The following ACTA2 variants were observed in gnomAD, a reference collection of about 807,000 sequenced individuals.
ACTA2 encodes the protein actin alpha 2, smooth muscle, also known as actin, aortic smooth muscle.
A neutral mutation model predicts 39.5 loss-of-function variants in ACTA2; 12 were observed. The observed-to-expected ratio is 0.30, with a 90% CI of 0.19 to 0.49. ACTA2 has a LOEUF of 0.49. Ranked by LOEUF, ACTA2 falls within the 20% of genes least tolerant of loss-of-function variation. The pLI is 0.99. For missense variants in ACTA2, 236 were observed against 498.8 expected (o/e 0.47, Z 5.02); for synonymous variants, 158 against 180.6 (o/e 0.88, Z 1.00).
intron 8 of ACTA2, 27 bp from the exon 9 acceptor site, chr10:88,935,393 T>C (rs765771552): frequency 5.0e-6 from 8 of 1,612,734 alleles, no homozygotes; most frequent in Middle Eastern, 3.3e-4. Flanking sequence ...AAAAGAATGG[T>C]CATTAATGTC....
chr10:88,986,532 T>C (rs1285464755), intron 1 of ACTA2, among the ~76,000 whole-genome samples: 1 of 152,222 alleles, frequency 6.6e-6, no homozygotes. Flanking sequence ...GGAGACTTAA[T>C]AATTTGCTGC....
intron 1 of ACTA2, among the ~76,000 whole-genome samples, chr10:88,960,726 A>T (rs1312441405): frequency 6.6e-6 from 1 of 152,150 alleles, no homozygotes; most frequent in African/African-American, 2.4e-5. Context: ...TATTGACAAC[A>T]ATGACAAACA....
intron 1 of ACTA2, among the ~76,000 whole-genome samples, chr10:88,987,181 TA>T (rs1280302300): frequency 6.6e-6 from 1 of 152,224 alleles, no homozygotes; most frequent in Non-Finnish European, 1.5e-5. Flanking sequence ...GTAGAAGAAG[TA>T]ATATCCCTAG....
intron 1 of ACTA2, among the ~76,000 whole-genome samples, chr10:88,963,262 G>C (rs187100894): frequency 1.3e-5 from 2 of 151,916 alleles, no homozygotes; most frequent in Admixed American, 1.3e-4. Flanking sequence ...CATAGGTTTG[G>C]AGCAAATGCC....
chr10:88,962,971 AT>A (rs1846259472), intron 1 of ACTA2, among the ~76,000 whole-genome samples: 6 of 48,858 alleles, frequency 1.2e-4, no homozygotes, highest in Non-Finnish European at 1.9e-4. Flanking sequence ...ATATATATAT[AT>A]ATATAATATT....
At chr10:88,956,340 A>G (rs763828942), upstream of ACTA2, among the ~76,000 whole-genome samples, 31 of 152,188 alleles carry the variant, frequency 2.0e-4, no homozygotes, top group Non-Finnish European at 3.5e-4. Context: ...TCTAGAGTCC[A>G]CTTGACTCAT....
intron 1 of ACTA2, among the ~76,000 whole-genome samples, chr10:88,987,659 G>A (rs1846944428): frequency 6.6e-6 from 1 of 152,224 alleles, no homozygotes. Context: ...CCAACTGAAT[G>A]TGATGTGCTG....
chr10:88,939,138 A>G (rs1228436081), intron 7 of ACTA2, among the ~76,000 whole-genome samples: 1 of 152,200 alleles, frequency 6.6e-6, no homozygotes, highest in East Asian at 1.9e-4. Flanking sequence ...ATGTGAATGT[A>G]GGAACAGACT....
rs1228781141 is a variant in ACTA2, at chr10:88,966,583, T to G, written c.-23-17630A>C. On this transcript the variant is annotated intron_variant, in intron 1 of 4. Coordinates refer to the ACTA2 transcript ENST00000415557. Reference sequence around the variant, plus strand: ...TGAGGTAATAAGCAGAAGAGGTTGATAGTTTCACAAAAGGAAAGCATGACT... The same window carrying G: ...TGAGGTAATAAGCAGAAGAGGTTGAGAGTTTCACAAAAGGAAAGCATGACT... 2.0e-5 allele frequency among the ~76,000 whole-genome samples: 3 copies of G among 152,330 alleles called. No homozygotes were observed. The East Asian group carries it at 5.8e-4, about 29-fold the overall frequency.
intron 3 of ACTA2, among the ~76,000 whole-genome samples, chr10:88,945,924 A>G (rs1308905565): frequency 6.6e-6 from 1 of 152,172 alleles, no homozygotes; most frequent in African/African-American, 2.4e-5. Context: ...GATGAAAATG[A>G]AAGGAGGGTT....
chr10:88,986,697 A>C (rs1327110373), intron 1 of ACTA2, among the ~76,000 whole-genome samples: 1 of 151,848 alleles, frequency 6.6e-6, no homozygotes, highest in Non-Finnish European at 1.5e-5. Context: ...GAAGTAGTGC[A>C]GGAAGGAAGT....
At chr10:88,968,615 C>T (rs1846365847) in intron 1 of ACTA2, among the ~76,000 whole-genome samples, 1 of 152,142 alleles carries the variant, frequency 6.6e-6, no homozygotes, top group Admixed American at 6.6e-5. Context: ...TAGGCAATCC[C>T]TCCTCCAAAA....
chr10:88,948,629 G>T, intron 2 of ACTA2, 173 bp downstream of exon 2: 1 of 818,810 alleles, frequency 1.2e-6, no homozygotes, highest in Non-Finnish European at 2.0e-6. Context: ...CAGATAATCT[G>T]TCTACATTAT....
chr10:88,961,341 G>A lies in ACTA2; in HGVS notation c.-23-12388C>T, dbSNP rs1846223346. Among the ~76,000 whole-genome samples, 3 of 152,174 alleles carry A rather than the reference G, an allele frequency of 2.0e-5. No individual in the cohort carries two copies. In the South Asian group the frequency reaches 6.2e-4, roughly 31 times the overall value. On this transcript the variant is annotated intron_variant, in intron 1 of 4. Coordinates refer to the ACTA2 transcript ENST00000415557. ...GCAAGATGACCTCAGGGCTATTATAGAAAAGGTTTGTGTACTATGTAGAAA... is the reference window on the plus strand; with the variant it reads ...GCAAGATGACCTCAGGGCTATTATAAAAAAGGTTTGTGTACTATGTAGAAA...
intron 7 of ACTA2, 148 bp from the exon 8 acceptor site, chr10:88,938,390 A>G (rs1845786300): frequency 5.7e-6 from 5 of 880,356 alleles, no homozygotes; most frequent in Non-Finnish European, 9.3e-6. Flanking sequence ...CTGAGAGACA[A>G]AAGGGTCTTG....
At chr10:88,972,675 T>C (rs1846475117) in intron 1 of ACTA2, among the ~76,000 whole-genome samples, 1 of 152,188 alleles carries the variant, frequency 6.6e-6, no homozygotes, top group South Asian at 2.1e-4. Context: ...ATCTACTTCA[T>C]GGAAATTACT....
At chr10:88,954,677 T>A (rs780257053), upstream of ACTA2, among the ~76,000 whole-genome samples, 1 of 152,174 alleles carries the variant, frequency 6.6e-6, no homozygotes, top group South Asian at 2.1e-4. Flanking sequence ...AAAGCTCTGA[T>A]AATAATCAGA....
intron 1 of ACTA2, among the ~76,000 whole-genome samples, chr10:88,960,358 C>T (rs2093416241): frequency 6.6e-6 from 1 of 152,154 alleles, no homozygotes; most frequent in South Asian, 2.1e-4. Flanking sequence ...GGCGGATTTG[C>T]TAGACTTCTG....
At chr10:88,969,308 A>C (rs1231715834) in intron 1 of ACTA2, among the ~76,000 whole-genome samples, 1 of 152,252 alleles carries the variant, frequency 6.6e-6, no homozygotes, top group Admixed American at 6.5e-5. Context: ...CCATCAAAAA[A>C]AAATCTTTGG....
Sources: allele counts gnomAD v4.1 joint callset (sites outside exome capture counted in the v4.1 genomes callset), GRCh38; gene constraint gnomAD v4.1.1; transcripts MANE v1.5; gene names NCBI Gene and HGNC (gene_info 2026-07-23, HGNC 2026-07-21).